PPM1L: variants seen among roughly 807,000 people sequenced by gnomAD.
The protein encoded by PPM1L is protein phosphatase 1L.
In PPM1L, 13 loss-of-function variants were observed where a neutral mutation model predicts 31.4. That is an observed-to-expected ratio of 0.41 (90% CI 0.27 to 0.66). The LOEUF (loss-of-function observed/expected upper bound fraction) is 0.66, where lower values mean the gene tolerates loss of function less well. Among genes scored for constraint, PPM1L ranks in the 30% least tolerant of loss-of-function variants. PPM1L has a pLI of 0.29. For synonymous variants in PPM1L, 184 were observed against 175.4 expected, an observed-to-expected ratio of 1.05 and a Z score of -0.39; for missense variants, 326 against 453.7, an observed-to-expected ratio of 0.72 and a Z score of 2.56.
chr3:161,015,822 G>T (rs139923876), intron 2 of PPM1L, among the ~76,000 whole-genome samples: 7 of 152,110 alleles, frequency 4.6e-5, no homozygotes, highest in Admixed American at 4.6e-4. Flanking sequence ...TAAAAACATG[G>T]CATTTGTATT....
At chr3:161,051,167 A>G (rs370224950) in intron 2 of PPM1L, among the ~76,000 whole-genome samples, 1 of 152,110 alleles carries the variant, frequency 6.6e-6, no homozygotes, top group African/African-American at 2.4e-5. Context: ...ACCCACACCC[A>G]TACATCTGGG....
At chr3:160,759,288 A>C (rs1467886020) in intron 1 of PPM1L, among the ~76,000 whole-genome samples, 2 of 152,218 alleles carry the variant, frequency 1.3e-5, no homozygotes, top group Non-Finnish European at 2.9e-5. Context: ...CTAATAACTC[A>C]CACTAGTAAG....
intron 2 of PPM1L, among the ~76,000 whole-genome samples, chr3:161,059,643 C>T (rs145237464): frequency 2.0e-4 from 30 of 152,138 alleles, no homozygotes; most frequent in African/African-American, 6.0e-4. Context: ...ACTTCTGATA[C>T]GGTTTGGATC....
rs115936138 is a variant in PPM1L at position 160,871,808 on chromosome 3, A to T, written c.400-89928A>T. 9.1e-3 allele frequency among the ~76,000 whole-genome samples: 1,371 copies of T among 150,882 alleles called. 15 individuals carry two copies. Among genetic ancestry groups the T allele is most frequent in the Middle Eastern group, 0.024 (7 of 290 alleles). On this transcript the variant is annotated intron_variant, in intron 1 of 3. Transcript: ENST00000498165. ...TAATATTTAAGAGTATTTTACATGT[A>T]GGTGTCATTTATAATTTTTTCCTTA...
intron 1 of PPM1L, among the ~76,000 whole-genome samples, chr3:160,863,668 C>G (rs1711982303): frequency 6.6e-6 from 1 of 152,128 alleles, no homozygotes; most frequent in Non-Finnish European, 1.5e-5. Flanking sequence ...GGACAGCTAT[C>G]AAGTATGTTG....
intron 2 of PPM1L, among the ~76,000 whole-genome samples, chr3:161,011,393 A>C (rs987934679): frequency 6.6e-6 from 1 of 152,204 alleles, no homozygotes; most frequent in African/African-American, 2.4e-5. Flanking sequence ...TTTTGGTACC[A>C]ATACCAGGCT....
At chr3:160,829,496 A>G (rs1375195919) in intron 1 of PPM1L, among the ~76,000 whole-genome samples, 3 of 152,180 alleles carry the variant, frequency 2.0e-5, no homozygotes, top group African/African-American at 7.2e-5. Context: ...GGAGGCTGCT[A>G]GACAACTCAC....
intron 1 of PPM1L, among the ~76,000 whole-genome samples, chr3:160,820,163 G>A (rs1356899187): frequency 6.6e-6 from 1 of 152,050 alleles, no homozygotes; most frequent in Admixed American, 6.6e-5. Context: ...GGAATGAAGA[G>A]CTGGATGAGA....
At chr3:160,785,603 A>G (rs1054949415) in intron 1 of PPM1L, among the ~76,000 whole-genome samples, 2 of 152,152 alleles carry the variant, frequency 1.3e-5, no homozygotes, top group Non-Finnish European at 2.9e-5. Flanking sequence ...CTTCCTTTTC[A>G]TATAAATAGA....
chr3:161,007,315 A>G (rs1459549205), intron 2 of PPM1L, among the ~76,000 whole-genome samples: 1 of 152,234 alleles, frequency 6.6e-6, no homozygotes, highest in Admixed American at 6.5e-5. Context: ...TAAGCTGATA[A>G]CTTGAGTAAA....
intron 1 of PPM1L, among the ~76,000 whole-genome samples, chr3:160,949,327 A>AT (rs1213717121): frequency 6.6e-6 from 1 of 152,154 alleles, no homozygotes; most frequent in Non-Finnish European, 1.5e-5. Context: ...GCTCTCAGAG[A>AT]TTTTTTAGTC....
At chr3:160,782,026 C>T (rs1217819461) in intron 1 of PPM1L, among the ~76,000 whole-genome samples, 2 of 152,146 alleles carry the variant, frequency 1.3e-5, no homozygotes, top group African/African-American at 4.8e-5. Context: ...ATAAAATTCA[C>T]CACTTTAAAG....
intron 1 of PPM1L, among the ~76,000 whole-genome samples, chr3:160,764,847 A>G (rs1199052897): frequency 1.3e-5 from 2 of 152,154 alleles, no homozygotes; most frequent in African/African-American, 2.4e-5. Flanking sequence ...TATTTGAGAA[A>G]TTACTCAACT....
rs143125344 is a variant in PPM1L at position 160,918,055 on chromosome 3, T to C, written c.400-43681T>C. ...ACATGCACACTTGCACGCGAATCCT[T>C]CTCACTCACAGGAGTCACCCACCGA... On this transcript the variant is annotated intron_variant, in intron 1 of 3. Coordinates refer to ENST00000498165, the MANE Select transcript of PPM1L (RefSeq NM_139245.4). 1.9e-3 allele frequency among the ~76,000 whole-genome samples: 297 copies of C among 152,314 alleles called. 1 individual carries two copies. The highest frequency in any genetic ancestry group is 6.9e-3 in the African/African-American group (285 of 41,572).
intron 1 of PPM1L, among the ~76,000 whole-genome samples, chr3:160,790,355 CTTCT>C (rs1391120875): frequency 6.6e-6 from 1 of 152,074 alleles, no homozygotes; most frequent in Non-Finnish European, 1.5e-5. Flanking sequence ...ATTAAGCATG[CTTCT>C]TTAATTGTAA....
chr3:160,851,944 A>AT (rs1462378255), intron 1 of PPM1L, among the ~76,000 whole-genome samples: 1 of 152,092 alleles, frequency 6.6e-6, no homozygotes, highest in Non-Finnish European at 1.5e-5. Flanking sequence ...CGTCCTGTCG[A>AT]TTTTTTCCCC....
At position 160,786,872 on chromosome 3, in the gene PPM1L, AT is replaced by A. The variant is rs539444415; in HGVS notation, c.399+30168del. ...TATTTGGTTTTCTGTTTCTCTGTTA[AT>A]TTGATTAGGATAATGGCCTCTAGCT... is the stretch of plus-strand genomic sequence containing the variant. On this transcript the variant is annotated intron_variant, in intron 1 of 3. Transcript: ENST00000498165. Among the ~76,000 whole-genome samples the A allele has an allele frequency of 2.0e-3, 305 of 152,126 alleles. 1 individual carries two copies. The highest frequency in any genetic ancestry group is 6.9e-3 in the African/African-American group (287 of 41,498).
At chr3:160,761,040 A>G (rs1337926008) in intron 1 of PPM1L, among the ~76,000 whole-genome samples, 4 of 152,194 alleles carry the variant, frequency 2.6e-5, no homozygotes, top group Non-Finnish European at 5.9e-5. Flanking sequence ...AAGAATATAT[A>G]TATAGTCTTA....
At chr3:160,843,446 A>ATATATATATATATATATC (rs1713966024) in intron 1 of PPM1L, among the ~76,000 whole-genome samples, 1 of 109,802 alleles carries the variant, frequency 9.1e-6, no homozygotes, top group East Asian at 2.7e-4. Flanking sequence ...ATATATATAT[A>ATATATATATATATATATC]TATATATATA....
Sources: gnomAD v4.1 joint callset for allele counts (sites outside exome capture counted in the v4.1 genomes callset) on GRCh38, gnomAD v4.1.1 for gene constraint, MANE v1.5 for transcripts, NCBI Gene and HGNC (gene_info 2026-07-23, HGNC 2026-07-21) for gene names.